Variants in OPA1 observed in about 807,000 individuals in gnomAD.
The protein encoded by OPA1 is OPA1 mitochondrial dynamin like GTPase, also known as dynamin-like GTPase OPA1, mitochondrial.
Under a neutral mutation model 152.9 loss-of-function variants are expected in OPA1, and 59 were observed. The ratio of observed to expected loss-of-function variants is 0.39; its 90% confidence interval spans 0.31 to 0.48. The LOEUF is 0.48. Among genes scored for constraint, OPA1 ranks in the 20% least tolerant of loss-of-function variants. The pLI is 0.96. For synonymous variants in OPA1, 400 were observed against 389.9 expected, an observed-to-expected ratio of 1.03 and a Z score of -0.31; for missense variants, 1,008 against 1,216.8, an observed-to-expected ratio of 0.83 and a Z score of 2.55.
chr3:193,611,414 T>C (rs2108846969), intron 1 of OPA1, among the ~76,000 whole-genome samples: 1 of 152,078 alleles, frequency 6.6e-6, no homozygotes, highest in African/African-American at 2.4e-5. Flanking sequence ...CTGGCTAAGA[T>C]GGTGAAATCC....
At chr3:193,669,079 T>G in intron 29 of OPA1, 1 of 177,896 alleles carries the variant, frequency 5.6e-6, no homozygotes, top group South Asian at 1.6e-4. Context: ...GTTAATAAAT[T>G]AGAAAGAAGT....
At chr3:193,616,422 T>G (rs908831668) in intron 3 of OPA1, among the ~76,000 whole-genome samples, 1 of 152,212 alleles carries the variant, frequency 6.6e-6, no homozygotes, top group African/African-American at 2.4e-5. Flanking sequence ...GTATTTTGTC[T>G]TTTGCTACCT....
chr3:193,660,437 C>T (rs1714990986), intron 25 of OPA1, among the ~76,000 whole-genome samples: 1 of 151,884 alleles, frequency 6.6e-6, no homozygotes, highest in Non-Finnish European at 1.5e-5. Flanking sequence ...TTGCTTTGTT[C>T]CTTGAATTCA....
intron 29 of OPA1, among the ~76,000 whole-genome samples, chr3:193,676,991 A>C: frequency 6.6e-6 from 1 of 151,122 alleles, no homozygotes. Context: ...AAAAAAAAAA[A>C]AAAAAAAAAA....
At chr3:193,616,414 A>G (rs1332053711) in intron 3 of OPA1, among the ~76,000 whole-genome samples, 1 of 152,060 alleles carries the variant, frequency 6.6e-6, no homozygotes, top group South Asian at 2.1e-4. Flanking sequence ...TCACTTTGGT[A>G]TTTTGTCTTT....
rs527371191 is a variant in OPA1, at chr3:193,617,881, A to C, written c.610+44A>C. The C allele has an allele frequency of 2.2e-6, 3 of 1,371,622 alleles. No homozygotes were observed. The African/African-American group carries it at 4.3e-5, about 20-fold the overall frequency. 85.0% of individuals were successfully genotyped at this position (1,371,622 alleles called of 1,614,324 possible). ...TTGCTGACCTTAACATGCCTTTTAA[A>C]TGCTTCTAATAAACTAGTTGCAAAT... On this transcript the variant is annotated intron_variant, in intron 5 of 30. Transcript: ENST00000361510.
intron 21 of OPA1, among the ~76,000 whole-genome samples, chr3:193,651,599 A>G (rs968895049): frequency 2.0e-5 from 3 of 152,206 alleles, no homozygotes; most frequent in Admixed American, 2.0e-4. Flanking sequence ...TTGGAATTAT[A>G]TAGTATTTGG....
At chr3:193,662,735 A>G (rs1715589182) in intron 25 of OPA1, 87 bp from the exon 26 acceptor site, 2 of 1,038,112 alleles carry the variant, frequency 1.9e-6, no homozygotes, top group African/African-American at 1.6e-5. Context: ...TTTATGCAAT[A>G]GTAATGTATT....
Position 193,635,474 on chromosome 3 carries a change from A to G in OPA1, c.900A>G (p.Lys300=), listed in dbSNP as rs1732786627. 1.2e-6 allele frequency: 2 copies of G among 1,609,692 alleles called. No homozygotes were observed. The highest frequency in any genetic ancestry group is 8.5e-7 in the Non-Finnish European group (1 of 1,176,196). Reference sequence around the variant, plus strand: ...AAAAGGAGAACAAAGAATTGAGAAAATTAGTATTGCAGAAAGATGACAAAG... The same window carrying G: ...AAAAGGAGAACAAAGAATTGAGAAAGTTAGTATTGCAGAAAGATGACAAAG... ...RLEKENKELR[K]LVLQKDDKGI... is the part of the protein sequence containing the mutation. The change falls in exon 9 of 31, where the codon AAA becomes AAG. Residue 300 remains lysine (K), a synonymous_variant. Transcript: ENST00000361510.
At chr3:193,671,447 C>T (rs1486867242) in intron 29 of OPA1, among the ~76,000 whole-genome samples, 1 of 152,110 alleles carries the variant, frequency 6.6e-6, no homozygotes, top group Admixed American at 6.5e-5. Flanking sequence ...AAGAGCTGCT[C>T]CAGTTGGAAG....
chr3:193,648,165 A>T (rs1343473224), intron 20 of OPA1, 31 bp downstream of exon 20: 2 of 1,498,304 alleles, frequency 1.3e-6, no homozygotes, highest in African/African-American at 1.4e-5. Context: ...TATTTTGTAT[A>T]TATCTTAATT....
chr3:193,602,323 C>T (rs112397604), intron 1 of OPA1, among the ~76,000 whole-genome samples: 3,044 of 152,254 alleles, frequency 0.02, 57 homozygotes, highest in Middle Eastern at 0.034. Flanking sequence ...TCCCATCCAA[C>T]GAGGTTCAAG....
intron 29 of OPA1, among the ~76,000 whole-genome samples, chr3:193,674,766 G>A (rs568887649): frequency 9.2e-5 from 14 of 152,318 alleles, no homozygotes; most frequent in African/African-American, 3.1e-4. Context: ...ATACCCTTGA[G>A]TGTTGTTACG....
intron 29 of OPA1, among the ~76,000 whole-genome samples, chr3:193,676,109 G>T (rs1718936279): frequency 6.6e-6 from 1 of 152,110 alleles, no homozygotes; most frequent in Non-Finnish European, 1.5e-5. Flanking sequence ...AGTCTACCCA[G>T]TTCACCAGGA....
rs2108877878 is a variant in OPA1, at chr3:193,617,184, T to A, written c.455T>A (p.Ile152Asn). 19 of 1,590,514 alleles carry A rather than the reference T, an allele frequency of 1.2e-5. No homozygotes were observed. The highest frequency in any genetic ancestry group is 1.6e-5 in the Non-Finnish European group (18 of 1,158,862). The part of the protein sequence containing the change: ...EIDEYIDFEK[I>N]RKALPSSEDL... Reference sequence around the variant, plus strand: ...ATGTTTTGATCTTTTCCAGAGAAAATTAGAAAAGCCCTTCCTAGTTCAGAA... The same window carrying A: ...ATGTTTTGATCTTTTCCAGAGAAAAATAGAAAAGCCCTTCCTAGTTCAGAA... The change falls in exon 4 of 31, where the codon ATT (isoleucine) becomes AAT (asparagine). Residue 152 changes from isoleucine (I) to asparagine (N), a missense_variant. Ile to Asn is a moderately radical substitution (Grantham distance 149). Transcript: ENST00000361510.
At chr3:193,665,169 A>G (rs1218500001) in intron 27 of OPA1, among the ~76,000 whole-genome samples, 173 bp downstream of exon 27, 1 of 152,010 alleles carries the variant, frequency 6.6e-6, no homozygotes, top group Non-Finnish European at 1.5e-5. Flanking sequence ...GATATTTGCC[A>G]CTTTGTTCGT....
chr3:193,612,449 G>A (rs1560323691), intron 1 of OPA1, among the ~76,000 whole-genome samples: 1 of 151,884 alleles, frequency 6.6e-6, no homozygotes, highest in African/African-American at 2.4e-5. Context: ...TTTTCATTTG[G>A]TTTTTGCAAA....
rs1301309697 is a variant in OPA1 at position 193,664,933 on chromosome 3, A to T, written c.2715A>T (p.Leu905=). ...GAAGACATTTTTTAAAAACAGCTCT[A>T]AACCATTGTAACCTTTGTCGAAGAG... The part of the protein sequence containing the change: ...VYRRHFLKTA[L]NHCNLCRRGF... Residue 905 remains leucine (L), a synonymous_variant, in exon 27 of 31, where the codon CTA becomes CTT. Transcript: ENST00000361510. 1 of 1,609,460 alleles carries T rather than the reference A, an allele frequency of 6.2e-7. No individual in the cohort carries two copies. Among genetic ancestry groups the T allele is most frequent in the Non-Finnish European group, 8.5e-7 (1 of 1,176,270 alleles).
rs1244013365 is a variant in OPA1, at chr3:193,697,012, C to G, written c.*2412C>G. 1 of 152,134 alleles carries G rather than the reference C, an allele frequency of 6.6e-6. No individual in the cohort carries two copies. Among genetic ancestry groups the G allele is most frequent in the Admixed American group, 6.5e-5 (1 of 15,272 alleles). The allele number at this position is 152,134 out of a possible 1,614,324, so 9.4% of individuals were successfully genotyped here. ...TTTCTACAGTTTTTTCCGCAGACTT[C>G]TTTCTGCAAATTATTCAGCCTCCAA... On this transcript the variant is annotated 3_prime_UTR_variant, in exon 31 of 31. Coordinates refer to ENST00000361510, the MANE Select transcript of OPA1 (RefSeq NM_130837.3).
Sources: allele counts gnomAD v4.1 joint callset (sites outside exome capture counted in the v4.1 genomes callset), GRCh38; gene constraint gnomAD v4.1.1; transcripts MANE v1.5; gene names NCBI Gene and HGNC (gene_info 2026-07-23, HGNC 2026-07-21).